Variants in PSMD1 observed in about 807,000 individuals in gnomAD.
PSMD1 encodes the protein proteasome 26S subunit, non-ATPase 1, also known as 26S proteasome non-ATPase regulatory subunit 1.
PSMD1 carries 18 observed loss-of-function variants against 119.0 expected under a neutral mutation model. The observed-to-expected ratio is 0.15, with a 90% CI of 0.10 to 0.22. The LOEUF (loss-of-function observed/expected upper bound fraction) is 0.22, where lower values mean the gene tolerates loss of function less well. Among genes scored for constraint, PSMD1 ranks in the 10% least tolerant of loss-of-function variants. PSMD1 has a pLI of 1.00. For synonymous variants in PSMD1, 374 were observed against 396.6 expected (o/e 0.94, Z 0.68); for missense variants, 702 against 1,158.5 (o/e 0.61, Z 5.72).
chr2:231,156,494 C>T (rs1696509295), intron 19 of PSMD1, among the ~76,000 whole-genome samples: 2 of 151,976 alleles, frequency 1.3e-5, no homozygotes, highest in Non-Finnish European at 2.9e-5. Flanking sequence ...CTGTGCTTAA[C>T]CTATTTATCC....
At chr2:231,092,376 A>G (rs1327982786) in intron 16 of PSMD1, among the ~76,000 whole-genome samples, 1 of 152,208 alleles carries the variant, frequency 6.6e-6, no homozygotes, top group East Asian at 1.9e-4. Flanking sequence ...ATTGGTTCCC[A>G]TAAGGAAAAC....
Position 231,165,881 on chromosome 2 carries a change from A to C in PSMD1, c.2579A>C (p.Glu860Ala). 1 of 1,610,472 alleles carries C rather than the reference A, an allele frequency of 6.2e-7. No homozygotes were observed. Residue 860 changes from glutamate to alanine, a missense_variant, in exon 23 of 25, where the codon GAG becomes GCG. Glu to Ala is a moderately radical substitution (Grantham distance 107). Transcript: ENST00000308696. Reference sequence around the variant, plus strand: ...AATTTTATTTTATAGGATGAGGCAGAGAAAAAGGAGGAAAAAGAGAAGAAA... The same window carrying C: ...AATTTTATTTTATAGGATGAGGCAGCGAAAAAGGAGGAAAAAGAGAAGAAA... The part of the protein sequence containing the change: ...EEEKMEVDEA[E>A]KKEEKEKKKE...
intron 23 of PSMD1, among the ~76,000 whole-genome samples, chr2:231,167,678 T>C (rs890299229): frequency 1.3e-5 from 2 of 152,252 alleles, no homozygotes; most frequent in Admixed American, 6.5e-5. Flanking sequence ...GCATTGACTT[T>C]AGTGGACACA....
At chr2:231,129,715 G>T (rs886824186) in intron 16 of PSMD1, among the ~76,000 whole-genome samples, 6 of 152,142 alleles carry the variant, frequency 3.9e-5, no homozygotes, top group Admixed American at 6.5e-5. Flanking sequence ...CTTAGAATAT[G>T]GAGGTACGAA....
chr2:231,154,069 C>T (rs554659678), intron 19 of PSMD1, among the ~76,000 whole-genome samples: 29 of 151,780 alleles, frequency 1.9e-4, no homozygotes, highest in African/African-American at 4.4e-4. Context: ...GTCGAGATCG[C>T]GCCATTGCAC....
chr2:231,073,020 CA>C (rs1694076376), intron 7 of PSMD1, among the ~76,000 whole-genome samples: 1 of 152,054 alleles, frequency 6.6e-6, no homozygotes, highest in Non-Finnish European at 1.5e-5. Context: ...TTCACTTAAG[CA>C]CTCAGAGGCC....
Position 231,078,652 on chromosome 2 carries a change from G to A in PSMD1, c.1072-7G>A. ...GTGATGAAACAATTCTGTATTTGTT[G>A]TTGCAGGATGCAGTACGGAATTCTG... On this transcript the variant is annotated splice_polypyrimidine_tract_variant and splice_region_variant and intron_variant, in intron 9 of 24. Transcript: ENST00000308696. 6.3e-7 allele frequency: 1 copy of A among 1,596,422 alleles called. No individual in the cohort carries two copies. Among genetic ancestry groups the A allele is most frequent in the Non-Finnish European group, 8.5e-7 (1 of 1,173,220 alleles).
intron 16 of PSMD1, among the ~76,000 whole-genome samples, chr2:231,137,947 A>T (rs953020858): frequency 6.6e-6 from 1 of 152,212 alleles, no homozygotes; most frequent in African/African-American, 2.4e-5. Flanking sequence ...TCATTAGCCC[A>T]CAGCTTGATG....
chr2:231,058,213 C>CCT (rs1693658604), intron 1 of PSMD1, among the ~76,000 whole-genome samples: 1 of 152,198 alleles, frequency 6.6e-6, no homozygotes, highest in Non-Finnish European at 1.5e-5. Flanking sequence ...CAGTTTCTTG[C>CCT]CACCTATAGG....
At chr2:231,099,528 ATATCCAGGGGGATGTCTTTG>A (rs1389774133) in intron 16 of PSMD1, among the ~76,000 whole-genome samples, 1 of 152,138 alleles carries the variant, frequency 6.6e-6, no homozygotes, top group Non-Finnish European at 1.5e-5. Flanking sequence ...ACCTAGGGAG[ATATCCAGGGGGATGTCTTTG>A]TTACCATCTT....
intron 18 of PSMD1, among the ~76,000 whole-genome samples, chr2:231,152,456 A>T (rs577522851): frequency 6.6e-6 from 1 of 152,306 alleles, no homozygotes; most frequent in South Asian, 2.1e-4. Flanking sequence ...ATAATCCTAT[A>T]ATAGCCATGT....
At chr2:231,165,088 A>ATG (rs1372234696) in intron 21 of PSMD1, 112 bp from the exon 22 acceptor site, 5 of 152,158 alleles carry the variant, frequency 3.3e-5, no homozygotes, top group Non-Finnish European at 5.2e-5. Flanking sequence ...ATATATATAT[A>ATG]TATGTAATAC....
At chr2:231,094,288 T>C (rs550595613) in intron 16 of PSMD1, among the ~76,000 whole-genome samples, 135 of 152,172 alleles carry the variant, frequency 8.9e-4, no homozygotes, top group Non-Finnish European at 8.5e-4. Flanking sequence ...GTGGAAAAAT[T>C]GATGCAATTG....
At chr2:231,073,623 A>C (rs539457777) in intron 7 of PSMD1, among the ~76,000 whole-genome samples, 1 of 152,262 alleles carries the variant, frequency 6.6e-6, no homozygotes, top group East Asian at 1.9e-4. Flanking sequence ...TAATCCAGGA[A>C]TATGGTGATC....
chr2:231,068,134 C>G (rs1437817718), intron 5 of PSMD1, among the ~76,000 whole-genome samples: 3 of 152,086 alleles, frequency 2.0e-5, no homozygotes, highest in Non-Finnish European at 4.4e-5. Flanking sequence ...TGGTGTTTAT[C>G]CCTTGATAAT....
At position 231,150,260 on chromosome 2, in the gene PSMD1, T is replaced by C. The variant is rs561570385; in HGVS notation, c.2116-3304T>C. Among the ~76,000 whole-genome samples the C allele has an allele frequency of 4.0e-5, 6 of 151,382 alleles. No homozygotes were observed. The East Asian group carries it at 1.2e-3, about 29-fold the overall frequency. On this transcript the variant is annotated intron_variant, in intron 18 of 24. Transcript: ENST00000308696. ...TACTTGGGAGGCTGAGGCAGGAGAA[T>C]CACTTGAACCTGGGAGGCGGAGGTT...
At chr2:231,079,263 G>C (rs1467546000) in intron 10 of PSMD1, among the ~76,000 whole-genome samples, 3 of 151,962 alleles carry the variant, frequency 2.0e-5, no homozygotes, top group African/African-American at 7.2e-5. Context: ...TACTTGGCTT[G>C]ATTATAGGCT....
chr2:231,067,005 A>G lies in PSMD1; in HGVS notation c.404A>G (p.Asn135Ser). ...GACCAGAGATTGGAAGGCATCGTAA[A>G]TAAAATGTTCCAGCGATGTCTAGAT... is the stretch of plus-strand genomic sequence containing the variant. ...PIDQRLEGIV[N>S]KMFQRCLDDH... is the part of the protein sequence containing the mutation. The change falls in exon 5 of 25, where the codon AAT becomes AGT. Residue 135 changes from asparagine to serine, a missense_variant. Coordinates refer to ENST00000308696, the MANE Select transcript of PSMD1 (RefSeq NM_002807.4). 1.9e-6 allele frequency: 3 copies of G among 1,613,848 alleles called. No homozygotes were observed. The highest frequency in any genetic ancestry group is 2.5e-6 in the Non-Finnish European group (3 of 1,179,926).
At chr2:231,165,167 G>T in intron 21 of PSMD1, 33 bp from the exon 22 acceptor site, 1 of 1,555,582 alleles carries the variant, frequency 6.4e-7, no homozygotes, top group Non-Finnish European at 8.7e-7. Flanking sequence ...GTCAGTAAGG[G>T]ATTACAACAG....
Sources: allele counts gnomAD v4.1 joint callset (sites outside exome capture counted in the v4.1 genomes callset), GRCh38; gene constraint gnomAD v4.1.1; transcripts MANE v1.5; gene names NCBI Gene and HGNC (gene_info 2026-07-23, HGNC 2026-07-21).